ENOSF1: variants seen among roughly 807,000 people sequenced by gnomAD.
The protein encoded by ENOSF1 is enolase superfamily member 1, also known as mitochondrial enolase superfamily member 1.
Under a neutral mutation model 68.2 loss-of-function variants are expected in ENOSF1, and 73 were observed. The ratio of observed to expected loss-of-function variants is 1.07; its 90% CI spans 0.89 to 1.30. The LOEUF is 1.30. ENOSF1 is among the 50% of genes most tolerant of loss of function. ENOSF1 has a pLI of 0.00. For synonymous variants in ENOSF1, 223 were observed against 210.4 expected (o/e 1.06, Z -0.52); for missense variants, 589 against 554.5 (o/e 1.06, Z -0.62).
At position 712,624 on chromosome 18, in the gene ENOSF1, C is replaced by A; in HGVS notation, c.-37G>T. On this transcript the variant is annotated 5_prime_UTR_variant, in exon 1 of 16. Coordinates refer to ENST00000647584, the MANE Select transcript of ENOSF1 (RefSeq NM_017512.7). ...CCCGTGGCCGCGGCCCCCGTGCGGTCAGGACTGGTCGGGATCCCGAGCGCG... is the reference window on the plus strand; with the variant it reads ...CCCGTGGCCGCGGCCCCCGTGCGGTAAGGACTGGTCGGGATCCCGAGCGCG... 6.7e-7 allele frequency: 1 copy of A among 1,495,818 alleles called. No individual in the cohort carries two copies. The highest frequency in any genetic ancestry group is 1.2e-5 in the South Asian group (1 of 81,498). 92.7% of individuals were successfully genotyped at this position (1,495,818 alleles called of 1,614,324 possible). A position where few individuals can be genotyped will look rare whatever the true frequency, so the allele number is the denominator to read the frequency against.
chr18:684,974 C>A (rs574389351), intron 10 of ENOSF1, among the ~76,000 whole-genome samples: 1 of 152,130 alleles, frequency 6.6e-6, no homozygotes. Context: ...ATCCTCTTGC[C>A]CCATCTTCCA....
rs567655461 is a variant in ENOSF1, at chr18:683,257, T to C, written c.865A>G (p.Thr289Ala). ...TSPDDILGHATISKALVPLGI... is the reference protein window; with the variant it reads ...TSPDDILGHAAISKALVPLGI... ...AGCCGTTTTCCTACCTTGGAAATGGTGGCGTGCCCCAGAATGTCATCAGGG... is the reference window on the plus strand; with the variant it reads ...AGCCGTTTTCCTACCTTGGAAATGGCGGCGTGCCCCAGAATGTCATCAGGG... Residue 289 changes from threonine to alanine, a missense_variant, in exon 11 of 16, where the codon ACC becomes GCC. Physicochemically the swap from Thr to Ala is moderately conservative, Grantham distance 58. Coordinates refer to ENST00000647584, the MANE Select transcript of ENOSF1 (RefSeq NM_017512.7). 10 of 1,614,010 alleles carry C rather than the reference T, an allele frequency of 6.2e-6. No homozygotes were observed. The South Asian group carries it at 9.9e-5, about 16-fold the overall frequency.
chr18:700,147 C>G (rs577278300), intron 2 of ENOSF1, among the ~76,000 whole-genome samples: 1 of 152,184 alleles, frequency 6.6e-6, no homozygotes, highest in African/African-American at 2.4e-5. Context: ...AAACAGCTCT[C>G]GGATGATTGC....
At chr18:698,911 T>C (rs529971937) in intron 2 of ENOSF1, among the ~76,000 whole-genome samples, 22 of 152,030 alleles carry the variant, frequency 1.4e-4, no homozygotes, top group Non-Finnish European at 3.1e-4. Flanking sequence ...CCTGAGACAC[T>C]GCACCCAGCA....
At chr18:666,390 C>G (rs2144289919), downstream of ENOSF1, among the ~76,000 whole-genome samples, 1 of 152,200 alleles carries the variant, frequency 6.6e-6, no homozygotes, top group Non-Finnish European at 1.5e-5. Flanking sequence ...ACACTCCACT[C>G]CCAGCTCTGC....
intron 3 of ENOSF1, among the ~76,000 whole-genome samples, chr18:695,301 T>C (rs979738993): frequency 6.6e-6 from 1 of 152,232 alleles, no homozygotes; most frequent in Admixed American, 6.5e-5. Flanking sequence ...TTTTTTGGCA[T>C]CAATACTACA....
intron 5 of ENOSF1, chr18:693,374 G>A (rs893674692): frequency 8.5e-6 from 10 of 1,171,334 alleles, no homozygotes; most frequent in Non-Finnish European, 1.1e-5. Context: ...TGAGTGCAGT[G>A]GTGCAATTAT....
the ENOSF1 span, among the ~76,000 whole-genome samples, chr18:664,309 C>T: frequency 0.015 from 2,329 of 150,278 alleles, 152 homozygotes; most frequent in East Asian, 0.23. Flanking sequence ...CATGATTTGG[C>T]TCTCTGTTTG....
intron 1 of ENOSF1, among the ~76,000 whole-genome samples, chr18:708,316 C>A (rs1420351229): frequency 6.6e-6 from 1 of 152,036 alleles, no homozygotes; most frequent in East Asian, 1.9e-4. Context: ...CGTGTCAGAG[C>A]TGGTGCAGCT....
chr18:675,691 A>G (rs2075426116), intron 14 of ENOSF1: 2 of 290,284 alleles, frequency 6.9e-6, no homozygotes, highest in Admixed American at 9.8e-5. Context: ...GTAAATATCC[A>G]GAATTATTTG....
intron 9 of ENOSF1, chr18:688,182 G>A (rs2076810093): frequency 1.2e-5 from 2 of 162,544 alleles, no homozygotes; most frequent in Admixed American, 6.2e-5. Flanking sequence ...AAAAAAAAGA[G>A]AAGAAAAGAC....
rs1383492329 is a variant in ENOSF1 at position 697,252 on chromosome 18, C to T, written c.297G>A (p.Gly99=). ...RGFYRQLTSD[G]QLRWIGPEKG... ...ATAGGTCCCTTACCCATCTGAGCTGCCCATCACTTGTGAGCTGCCTATAGA... is the reference window on the plus strand; with the variant it reads ...ATAGGTCCCTTACCCATCTGAGCTGTCCATCACTTGTGAGCTGCCTATAGA... The change falls in exon 3 of 16, where the codon GGG becomes GGA. Residue 99 remains glycine, a synonymous_variant. Transcript: ENST00000647584. 1.9e-6 allele frequency: 3 copies of T among 1,613,262 alleles called. No individual in the cohort carries two copies. The highest frequency in any genetic ancestry group is 2.5e-6 in the Non-Finnish European group (3 of 1,179,334).
Position 691,227 on chromosome 18 carries a change from A to T in ENOSF1, c.473T>A (p.Val158Asp). Residue 158 changes from valine (V) to aspartate (D), a missense_variant, in exon 6 of 16, where the codon GTC becomes GAC. Physicochemically the swap from Val to Asp is radical, Grantham distance 152 (BLOSUM62 -3). Coordinates refer to ENST00000647584, the MANE Select transcript of ENOSF1 (RefSeq NM_017512.7). The stretch of plus-strand genomic sequence containing the variant: ...ACCTAGGGCATCCTCCTCAGTCAGG[A>T]CATCAGTGATGTACCTGAAATCTAT... ...SCIDFRYITD[V>D]LTEEDALEIL... The T allele has an allele frequency of 6.2e-7, 1 of 1,614,208 alleles. No individual in the cohort carries two copies. The highest frequency in any genetic ancestry group is 8.5e-7 in the Non-Finnish European group (1 of 1,180,034).
chr18:693,214 T>C (rs376573685), intron 5 of ENOSF1: 1 of 1,289,084 alleles, frequency 7.8e-7, no homozygotes, highest in African/African-American at 1.5e-5. Flanking sequence ...AACAGTCAAG[T>C]GCATAGCTTT....
chr18:701,071 T>C (rs1019731178), intron 2 of ENOSF1, among the ~76,000 whole-genome samples: 4 of 152,016 alleles, frequency 2.6e-5, no homozygotes, highest in Non-Finnish European at 4.4e-5. Context: ...TGGAAGGACA[T>C]TGAGTAAAGT....
chr18:690,456 T>C, intron 8 of ENOSF1, 93 bp downstream of exon 8: 1 of 1,372,038 alleles, frequency 7.3e-7, no homozygotes, highest in Non-Finnish European at 1.0e-6. Flanking sequence ...GTGTCAGAAG[T>C]GAGGTACTGA....
At chr18:705,079 T>A (rs1006401883) in intron 2 of ENOSF1, among the ~76,000 whole-genome samples, 8 of 152,198 alleles carry the variant, frequency 5.3e-5, no homozygotes, top group African/African-American at 1.9e-4. Flanking sequence ...CATTCGCACA[T>A]ACACACACTC....
chr18:711,890 A>T (rs1296479108), intron 1 of ENOSF1, among the ~76,000 whole-genome samples: 1 of 152,146 alleles, frequency 6.6e-6, no homozygotes, highest in African/African-American at 2.4e-5. Context: ...AGACGGGTCC[A>T]AGAGACCCAG....
chr18:703,238 A>C (rs2078563868), intron 2 of ENOSF1, among the ~76,000 whole-genome samples: 1 of 151,916 alleles, frequency 6.6e-6, no homozygotes, highest in African/African-American at 2.4e-5. Context: ...GGAGGAGGAG[A>C]GGGGAAGTGA....
Sources: allele counts gnomAD v4.1 joint callset (sites outside exome capture counted in the v4.1 genomes callset), GRCh38; gene constraint gnomAD v4.1.1; transcripts MANE v1.5; gene names NCBI Gene and HGNC (gene_info 2026-07-23, HGNC 2026-07-21).